CSMD1: variants seen among roughly 807,000 people sequenced by gnomAD.
CSMD1 encodes CUB and Sushi multiple domains 1, also known as CUB and sushi domain-containing protein 1.
Under a neutral mutation model 417.5 loss-of-function variants are expected in CSMD1, and 213 were observed. That is an observed-to-expected ratio of 0.51 (90% CI 0.46 to 0.57). The LOEUF (loss-of-function observed/expected upper bound fraction) is 0.57. Ranked by LOEUF, CSMD1 falls within the 20% of genes least tolerant of loss-of-function variation. The probability of loss-of-function intolerance (pLI) is 0.00; values close to 1 mark genes in which losing one functional copy is unlikely to be tolerated. For missense variants in CSMD1, 6,923 were observed against 4,529.7 expected (o/e 1.53, Z -15.17); for synonymous variants, 2,862 against 1,736.8 (o/e 1.65, Z -16.11).
chr8:4,278,325 C>G (rs1450153901), intron 3 of CSMD1, among the ~76,000 whole-genome samples: 2 of 152,178 alleles, frequency 1.3e-5, no homozygotes, highest in Admixed American at 1.3e-4. Context: ...TGGTAATCTA[C>G]AAAATGGCTA....
intron 7 of CSMD1, among the ~76,000 whole-genome samples, chr8:3,671,498 T>C: frequency 1.9e-4 from 1 of 5,366 alleles, no homozygotes; most frequent in East Asian, 4.9e-3. Context: ...TATATGATCA[T>C]ATATATATAT....
intron 3 of CSMD1, among the ~76,000 whole-genome samples, chr8:4,125,077 C>T (rs1002618580): frequency 7.9e-5 from 12 of 151,972 alleles, no homozygotes; most frequent in Admixed American, 2.0e-4. Context: ...CTGCAGTCCA[C>T]GGCTTCATTC....
At chr8:4,027,964 G>A (rs1475084672) in intron 4 of CSMD1, among the ~76,000 whole-genome samples, 4 of 152,236 alleles carry the variant, frequency 2.6e-5, no homozygotes, top group African/African-American at 9.6e-5. Context: ...ATATATTTAG[G>A]ATGCCCAATG....
chr8:3,017,806 TAAAAAAAAAAA>T (rs777717027), intron 52 of CSMD1, among the ~76,000 whole-genome samples: 19 of 76,480 alleles, frequency 2.5e-4, no homozygotes, highest in African/African-American at 7.6e-4. Context: ...TTGAGTGATT[TAAAAAAAAAAA>T]AAAAAAAAAA....
intron 3 of CSMD1, among the ~76,000 whole-genome samples, chr8:4,286,311 T>C (rs1170256736): frequency 6.6e-6 from 1 of 152,186 alleles, no homozygotes; most frequent in Non-Finnish European, 1.5e-5. Flanking sequence ...GCCGTTGTTC[T>C]TGTCACTTTG....
intron 69 of CSMD1, among the ~76,000 whole-genome samples, chr8:2,939,890 T>A (rs1474949787): frequency 1.3e-5 from 2 of 152,172 alleles, no homozygotes; most frequent in East Asian, 3.9e-4. Context: ...GTTCACTCAA[T>A]CGTCCAGATC....
chr8:4,022,195 T>TAC (rs1796824077), intron 4 of CSMD1, among the ~76,000 whole-genome samples: 1 of 146,920 alleles, frequency 6.8e-6, no homozygotes. Flanking sequence ...TATATATATA[T>TAC]ATATAACAAT....
At chr8:4,644,892 C>G (rs532562736) in intron 1 of CSMD1, among the ~76,000 whole-genome samples, 1 of 152,140 alleles carries the variant, frequency 6.6e-6, no homozygotes, top group Admixed American at 6.6e-5. Context: ...ATTGTTGAAG[C>G]CTGTGGGTGA....
intron 3 of CSMD1, among the ~76,000 whole-genome samples, chr8:4,044,651 T>A (rs114349271): frequency 6.6e-6 from 1 of 152,144 alleles, no homozygotes; most frequent in African/African-American, 2.4e-5. Flanking sequence ...CCTGTACGTG[T>A]ACCACCCTGG....
chr8:4,722,394 A>G (rs547824090), intron 1 of CSMD1, among the ~76,000 whole-genome samples: 2 of 152,134 alleles, frequency 1.3e-5, no homozygotes, highest in Admixed American at 6.6e-5. Context: ...ACTTCTCCCA[A>G]TGCTGTGTAT....
rs558584751 is a variant in CSMD1, at chr8:3,902,729, T to G, written c.818+95174A>C. Among the ~76,000 whole-genome samples the G allele has an allele frequency of 2.0e-5, 3 of 152,218 alleles. No homozygotes were observed. The East Asian group carries it at 5.8e-4, about 29-fold the overall frequency. On this transcript the variant is annotated intron_variant, in intron 5 of 69. Transcript: ENST00000635120. ...TGGTACCAGTCCATGGCCCCGGGAT[T>G]AGAGACCCCTGCTGAGGTACACATT... is the stretch of plus-strand genomic sequence containing the variant.
At chr8:4,188,813 G>A (rs917205160) in intron 3 of CSMD1, among the ~76,000 whole-genome samples, 1 of 150,930 alleles carries the variant, frequency 6.6e-6, no homozygotes, top group East Asian at 2.0e-4. Flanking sequence ...TTATGGGGGA[G>A]GATGGTAATT....
intron 5 of CSMD1, among the ~76,000 whole-genome samples, chr8:3,952,299 G>A (rs1302665209): frequency 6.6e-6 from 1 of 152,134 alleles, no homozygotes; most frequent in African/African-American, 2.4e-5. Flanking sequence ...TACGCGAAAG[G>A]TGTCGTGGCT....
At chr8:3,352,292 C>A in intron 21 of CSMD1, among the ~76,000 whole-genome samples, 1 of 152,118 alleles carries the variant, frequency 6.6e-6, no homozygotes, top group East Asian at 1.9e-4. Context: ...CAGCCTGAAC[C>A]AGGTTGCAGG....
In CSMD1 at chr8:2,998,063, T is replaced by C. The variant is rs769882483; in HGVS notation, c.8325A>G (p.Arg2775=). The C allele has an allele frequency of 6.8e-6, 11 of 1,613,862 alleles. No homozygotes were observed. In the Admixed American group the frequency reaches 1.7e-4, roughly 24 times the overall value. ...NTGYLLQGVS[R]AQCRSNGQWS... Reference sequence around the variant, plus strand: ...ACTGGCCGTTGCTCCGACACTGGGCTCGAGACACGCCCTGCAGCAAATAGC... The same window carrying C: ...ACTGGCCGTTGCTCCGACACTGGGCCCGAGACACGCCCTGCAGCAAATAGC... The change falls in exon 54 of 70, where the codon CGA becomes CGG. Residue 2775 remains arginine, a synonymous_variant. Transcript: ENST00000635120.
At chr8:4,714,105 A>G (rs1584984894) in intron 1 of CSMD1, among the ~76,000 whole-genome samples, 1 of 151,958 alleles carries the variant, frequency 6.6e-6, no homozygotes, top group South Asian at 2.1e-4. Context: ...AGATCATGCC[A>G]TTGCACTCCA....
intron 9 of CSMD1, among the ~76,000 whole-genome samples, chr8:3,577,194 G>C (rs954052839): frequency 2.6e-5 from 4 of 152,172 alleles, no homozygotes; most frequent in East Asian, 1.9e-4. Context: ...CCCCTCACTT[G>C]GCTTATGAAA....
At chr8:4,402,490 C>G (rs889100612) in intron 3 of CSMD1, among the ~76,000 whole-genome samples, 7 of 152,118 alleles carry the variant, frequency 4.6e-5, no homozygotes, top group African/African-American at 1.7e-4. Flanking sequence ...TTCATGACCA[C>G]TCCTCTCCCA....
intron 10 of CSMD1, among the ~76,000 whole-genome samples, chr8:3,526,874 G>A (rs1342932904): frequency 6.6e-6 from 1 of 152,112 alleles, no homozygotes; most frequent in Admixed American, 6.5e-5. Context: ...CTTTGGAGAG[G>A]TAAAGTGCTA....
Sources: gnomAD v4.1 joint callset for allele counts (sites outside exome capture counted in the v4.1 genomes callset) on GRCh38, gnomAD v4.1.1 for gene constraint, MANE v1.5 for transcripts, NCBI Gene and HGNC (gene_info 2026-07-23, HGNC 2026-07-21) for gene names.